The following ZNRF1 variants were observed in gnomAD, a reference collection of about 807,000 sequenced individuals.
ZNRF1 encodes E3 ubiquitin-protein ligase ZNRF1.
In ZNRF1, 3 loss-of-function variants were observed where a neutral mutation model predicts 18.4. The observed-to-expected ratio is 0.16, with a 90% CI of 0.07 to 0.42. The LOEUF is 0.42. ZNRF1 is among the 10% of genes least tolerant of loss of function. The pLI is 0.99. For missense variants in ZNRF1, 310 were observed against 329.8 expected, an observed-to-expected ratio of 0.94 and a Z score of 0.47; for synonymous variants, 157 against 144.2, an observed-to-expected ratio of 1.09 and a Z score of -0.64.
intron 1 of ZNRF1, among the ~76,000 whole-genome samples, chr16:75,014,796 A>C (rs1332610579): frequency 6.6e-6 from 1 of 152,088 alleles, no homozygotes; most frequent in Non-Finnish European, 1.5e-5. Flanking sequence ...TCCTTGCCAA[A>C]ATTTGATATT....
chr16:75,040,120 C>G (rs1351686034), intron 1 of ZNRF1, among the ~76,000 whole-genome samples: 2 of 144,700 alleles, frequency 1.4e-5, no homozygotes, highest in East Asian at 4.1e-4. Flanking sequence ...TCATAGCTCA[C>G]CGCAGCCTTG....
chr16:75,054,771 C>A lies in ZNRF1; in HGVS notation c.425-38801C>A, dbSNP rs74343341. ...CTGGGAGATTGGCCTTACCTATTCA[C>A]GTGGAGCGTGGCTTCTCTAGGAATG... On this transcript the variant is annotated intron_variant, in intron 1 of 4. Coordinates refer to ENST00000335325, the MANE Select transcript of ZNRF1 (RefSeq NM_032268.5). 2.2e-4 allele frequency among the ~76,000 whole-genome samples: 34 copies of A among 152,370 alleles called. No individual in the cohort carries two copies. The East Asian group carries it at 6.4e-3, about 28-fold the overall frequency.
chr16:75,006,552 C>G (rs1021829167), intron 1 of ZNRF1, among the ~76,000 whole-genome samples: 5 of 152,196 alleles, frequency 3.3e-5, no homozygotes, highest in Non-Finnish European at 5.9e-5. Context: ...TGGCCTGCCC[C>G]AGCCTCCCAA....
At chr16:75,067,498 T>A (rs1208172977) in intron 1 of ZNRF1, among the ~76,000 whole-genome samples, 1 of 152,226 alleles carries the variant, frequency 6.6e-6, no homozygotes, top group Non-Finnish European at 1.5e-5. Flanking sequence ...AGAAATCTTA[T>A]TTTTAAATGC....
At position 75,108,626 on chromosome 16, in the gene ZNRF1, T is replaced by TA; in HGVS notation, c.*933dup. On this transcript the variant is annotated 3_prime_UTR_variant, in exon 5 of 5. Transcript: ENST00000335325. ...TACAAAAAAAAACTTATAAAATGTT[T>TA]AAAAAAATGTTCAAAGCTTGGGAGA... is the stretch of plus-strand genomic sequence containing the variant. 2.5e-6 allele frequency: 1 copy of TA among 398,928 alleles called. No homozygotes were observed. Among genetic ancestry groups the TA allele is most frequent in the East Asian group, 3.6e-5 (1 of 28,066 alleles). 24.7% of individuals were successfully genotyped at this position (398,928 alleles called of 1,614,324 possible).
chr16:75,076,450 C>T (rs1277639256), intron 1 of ZNRF1, among the ~76,000 whole-genome samples: 2 of 152,054 alleles, frequency 1.3e-5, no homozygotes, highest in African/African-American at 4.8e-5. Context: ...CTCCTCTTTT[C>T]TTCTCTTCCC....
intron 1 of ZNRF1, among the ~76,000 whole-genome samples, chr16:75,016,699 C>CTTTTTTTTT (rs35899706): frequency 1.0e-5 from 1 of 99,500 alleles, no homozygotes; most frequent in African/African-American, 4.3e-5. Flanking sequence ...CCATGCCTGG[C>CTTTTTTTTT]TTTTTTTTTT....
At chr16:75,024,628 AG>A (rs1296754926) in intron 1 of ZNRF1, among the ~76,000 whole-genome samples, 4 of 152,244 alleles carry the variant, frequency 2.6e-5, no homozygotes, top group Non-Finnish European at 5.9e-5. Context: ...AGAAAGAGGC[AG>A]CATTTGCAGA....
rs368188768 is a variant in ZNRF1 at position 75,045,897 on chromosome 16, CT to C, written c.424+45812del. Among the ~76,000 whole-genome samples, 31 of 147,810 alleles carry C rather than the reference CT, an allele frequency of 2.1e-4. 2 individuals are homozygous for C. The highest frequency in any genetic ancestry group is 1.3e-3 in the South Asian group (6 of 4,656). ...GCTGTCATTTAGAATTTAATGTTTG[CT>C]TTTTTTTTTATTTTTATTTTTGAGA... is the stretch of plus-strand genomic sequence containing the variant. On this transcript the variant is annotated intron_variant, in intron 1 of 4. Transcript: ENST00000335325.
At chr16:75,060,689 C>A (rs2035731750) in intron 1 of ZNRF1, among the ~76,000 whole-genome samples, 1 of 151,924 alleles carries the variant, frequency 6.6e-6, no homozygotes, top group Non-Finnish European at 1.5e-5. Flanking sequence ...GTTGGCCAGG[C>A]TGGTCTTGAG....
intron 1 of ZNRF1, among the ~76,000 whole-genome samples, chr16:75,010,063 A>G (rs752420196): frequency 1.3e-5 from 2 of 151,836 alleles, no homozygotes; most frequent in Non-Finnish European, 2.9e-5. Flanking sequence ...GCTCACTACA[A>G]CCTCTGCCCC....
At chr16:75,038,860 AT>A (rs960814125) in intron 1 of ZNRF1, among the ~76,000 whole-genome samples, 1 of 150,898 alleles carries the variant, frequency 6.6e-6, no homozygotes, top group African/African-American at 2.4e-5. Flanking sequence ...AAGTGCTGTT[AT>A]TTTTTTTTTC....
At chr16:75,018,333 T>G (rs960533437) in intron 1 of ZNRF1, among the ~76,000 whole-genome samples, 1 of 152,208 alleles carries the variant, frequency 6.6e-6, no homozygotes, top group Non-Finnish European at 1.5e-5. Context: ...ATGAGAAATA[T>G]CGACAGAAAA....
At chr16:75,104,761 A>C (rs754218173) in intron 2 of ZNRF1, 23 bp from the exon 3 acceptor site, 4 of 1,575,038 alleles carry the variant, frequency 2.5e-6, no homozygotes, top group Non-Finnish European at 3.4e-6. Flanking sequence ...ACCCTCCTGC[A>C]CTCTCCCCTG....
Position 75,110,070 on chromosome 16 carries a change from G to A in ZNRF1, c.*2370G>A, listed in dbSNP as rs2036363915. The A allele has an allele frequency of 6.6e-6, 1 of 152,396 alleles. No homozygotes were observed. The highest frequency in any genetic ancestry group is 2.4e-5 in the African/African-American group (1 of 41,482). 9.4% of individuals were successfully genotyped at this position (152,396 alleles called of 1,614,324 possible). The stretch of plus-strand genomic sequence containing the variant: ...GGTGAGCCGAGCAGCTGTGAGGTGG[G>A]TGGGGCAGGGCTGTAGCCCACGCCG... On this transcript the variant is annotated 3_prime_UTR_variant, in exon 5 of 5. Transcript: ENST00000335325.
chr16:75,034,346 G>C (rs1233008461), intron 1 of ZNRF1, among the ~76,000 whole-genome samples: 3 of 152,068 alleles, frequency 2.0e-5, no homozygotes, highest in Non-Finnish European at 1.5e-5. Context: ...TTTTCTATGA[G>C]CTTGACCACT....
At chr16:75,101,006 T>C (rs1002826746) in intron 2 of ZNRF1, among the ~76,000 whole-genome samples, 8 of 152,202 alleles carry the variant, frequency 5.3e-5, no homozygotes, top group African/African-American at 1.9e-4. Context: ...CAATCTTGGC[T>C]CACTGTAATC....
intron 1 of ZNRF1, among the ~76,000 whole-genome samples, chr16:75,032,205 G>A (rs1387848319): frequency 6.6e-6 from 1 of 150,640 alleles, no homozygotes; most frequent in Admixed American, 6.7e-5. Flanking sequence ...CGTCTCCTGG[G>A]TTCAAGCAAT....
intron 1 of ZNRF1, among the ~76,000 whole-genome samples, chr16:75,059,510 C>G (rs943851709): frequency 2.6e-5 from 4 of 152,024 alleles, no homozygotes; most frequent in African/African-American, 9.7e-5. Flanking sequence ...TCAGATAAAG[C>G]ATGAGAAATC....
Sources: allele counts gnomAD v4.1 joint callset (sites outside exome capture counted in the v4.1 genomes callset), GRCh38; gene constraint gnomAD v4.1.1; transcripts MANE v1.5; gene names NCBI Gene and HGNC (gene_info 2026-07-23, HGNC 2026-07-21).